The following SMIM10L3 variants were observed in gnomAD, a reference collection of about 807,000 sequenced individuals.
The protein encoded by SMIM10L3 is small integral membrane protein 10 like 3.
At chr7:6,348,322 G>A in the SMIM10L3 span, among the ~76,000 whole-genome samples, 2 of 151,220 alleles carry the variant, frequency 1.3e-5, no homozygotes, top group African/African-American at 4.9e-5. Context: ...ATGCAGTCTC[G>A]GACCCCACCT....
At chr7:6,348,148 A>G in the SMIM10L3 span, among the ~76,000 whole-genome samples, 1 of 148,554 alleles carries the variant, frequency 6.7e-6, no homozygotes, top group African/African-American at 2.4e-5. Flanking sequence ...GACCTCAGGT[A>G]ATCCGCCCGC....
the SMIM10L3 span, among the ~76,000 whole-genome samples, chr7:6,333,255 G>C: frequency 6.6e-6 from 1 of 152,012 alleles, no homozygotes; most frequent in Admixed American, 6.6e-5. Context: ...AAAGCAGGGA[G>C]AGTTTAGAGA....
At chr7:6,330,426 C>A in the SMIM10L3 span, 1 of 1,614,076 alleles carries the variant, frequency 6.2e-7, no homozygotes. Flanking sequence ...GAGCCAGTAA[C>A]CCCAGTGTTA....
At chr7:6,340,898 CAA>C in the SMIM10L3 span, among the ~76,000 whole-genome samples, 16 of 33,680 alleles carry the variant, frequency 4.8e-4, no homozygotes, top group East Asian at 4.2e-3. Flanking sequence ...GACTCCATCT[CAA>C]AAAAAAAAAA....
At chr7:6,346,969 C>T in the SMIM10L3 span, among the ~76,000 whole-genome samples, 6 of 152,152 alleles carry the variant, frequency 3.9e-5, no homozygotes, top group African/African-American at 9.7e-5. Flanking sequence ...AAGAGGGGCT[C>T]AGGACTTGGC....
At chr7:6,338,256 T>C in the SMIM10L3 span, among the ~76,000 whole-genome samples, 1 of 152,042 alleles carries the variant, frequency 6.6e-6, no homozygotes, top group Admixed American at 6.6e-5. Context: ...CATTTATGAG[T>C]TTTTTCATAG....
chr7:6,335,978 G>C, the SMIM10L3 span, among the ~76,000 whole-genome samples: 1 of 152,014 alleles, frequency 6.6e-6, no homozygotes, highest in Non-Finnish European at 1.5e-5. Context: ...TTCGAGATCA[G>C]CCTGGTCTAC....
the SMIM10L3 span, chr7:6,330,726 T>A: frequency 6.2e-7 from 1 of 1,613,996 alleles, no homozygotes; most frequent in Non-Finnish European, 8.5e-7. Flanking sequence ...TGGGGCACTG[T>A]CCTCTGTGGC....
chr7:6,344,050 T>C, the SMIM10L3 span, among the ~76,000 whole-genome samples: 2 of 151,806 alleles, frequency 1.3e-5, no homozygotes, highest in Non-Finnish European at 2.9e-5. Context: ...TACATTCAAC[T>C]AACTTTTAAT....
chr7:6,348,839 G>C, the SMIM10L3 span: 12 of 392,984 alleles, frequency 3.1e-5, no homozygotes, highest in Non-Finnish European at 4.5e-5. Context: ...CGCCTGGCGT[G>C]CTCAGGGAGC....
chr7:6,339,720 C>G, the SMIM10L3 span, among the ~76,000 whole-genome samples: 4 of 152,112 alleles, frequency 2.6e-5, no homozygotes, highest in Non-Finnish European at 4.4e-5. Context: ...ATCCACCCAC[C>G]TCAGCCTCCC....
the SMIM10L3 span, chr7:6,348,539 AGGGCCGG>A: frequency 2.4e-6 from 1 of 418,308 alleles, no homozygotes; most frequent in African/African-American, 2.1e-5. Flanking sequence ...GCGCTCGGGG[AGGGCCGG>A]GGGCCGGGCA....
chr7:6,338,741 C>G, the SMIM10L3 span: 1 of 152,340 alleles, frequency 6.6e-6, no homozygotes, highest in African/African-American at 2.4e-5. Flanking sequence ...GTACCCTCAC[C>G]TTCCCTAACC....
the SMIM10L3 span, among the ~76,000 whole-genome samples, chr7:6,336,010 T>G: frequency 6.6e-6 from 1 of 152,006 alleles, no homozygotes; most frequent in African/African-American, 2.4e-5. Context: ...CCGTCTCTAC[T>G]AAAAATACAA....
At chr7:6,331,207 G>A in the SMIM10L3 span, 2 of 1,545,082 alleles carry the variant, frequency 1.3e-6, no homozygotes, top group Non-Finnish European at 1.7e-6. Flanking sequence ...GTCAGTCTGG[G>A]AGGGCCTTCA....
At chr7:6,333,998 C>T in the SMIM10L3 span, among the ~76,000 whole-genome samples, 37 of 151,664 alleles carry the variant, frequency 2.4e-4, no homozygotes, top group Admixed American at 6.6e-4. Flanking sequence ...AGGCACCCGC[C>T]ACCACGCCCG....
At chr7:6,332,495 T>G in the SMIM10L3 span, among the ~76,000 whole-genome samples, 1 of 152,154 alleles carries the variant, frequency 6.6e-6, no homozygotes, top group Non-Finnish European at 1.5e-5. Context: ...AAATGTAATT[T>G]TGACACATGA....
At chr7:6,339,808 C>T in the SMIM10L3 span, among the ~76,000 whole-genome samples, 181 of 152,036 alleles carry the variant, frequency 1.2e-3, 1 homozygote, top group Admixed American at 1.4e-3. Context: ...CTCCCCCTCC[C>T]GGTCCCCTGG....
the SMIM10L3 span, among the ~76,000 whole-genome samples, chr7:6,336,966 A>AC: frequency 7.6e-4 from 116 of 151,906 alleles, 1 homozygote; most frequent in African/African-American, 2.5e-3. Context: ...ATTCTTTCAA[A>AC]CCTTACATTT....
Sources: gnomAD v4.1 joint callset for allele counts (sites outside exome capture counted in the v4.1 genomes callset) on GRCh38, gnomAD v4.1.1 for gene constraint, MANE v1.5 for transcripts, NCBI Gene and HGNC (gene_info 2026-07-23, HGNC 2026-07-21) for gene names.